The following PRIM2 variants were observed in gnomAD, a reference collection of about 807,000 sequenced individuals.
The protein encoded by PRIM2 is DNA primase large subunit.
In PRIM2, 39 loss-of-function variants were observed where a neutral mutation model predicts 67.3. That is an observed-to-expected ratio of 0.58 (90% CI 0.45 to 0.76). PRIM2 has a LOEUF of 0.76. Ranked by LOEUF, PRIM2 falls within the 30% of genes least tolerant of loss-of-function variation. The probability of loss-of-function intolerance (pLI) is 0.00; values close to 1 mark genes in which losing one functional copy is unlikely to be tolerated. For missense variants in PRIM2, 398 were observed against 598.7 expected (o/e 0.66, Z 3.50); for synonymous variants, 143 against 198.7 (o/e 0.72, Z 2.36).
At chr6:57,494,189 A>T (rs1157761803) in intron 7 of PRIM2, among the ~76,000 whole-genome samples, 1 of 152,222 alleles carries the variant, frequency 6.6e-6, no homozygotes, top group African/African-American at 2.4e-5. Flanking sequence ...ATAGTATGTC[A>T]CAGTGGTCTA....
chr6:57,314,788 A>G (rs1767449035), upstream of PRIM2: 1 of 152,248 alleles, frequency 6.6e-6, no homozygotes, highest in South Asian at 2.1e-4. Context: ...AAGTGAATAC[A>G]TGAAAGAGCT....
chr6:57,615,298 A>G (rs1480023684), intron 12 of PRIM2, among the ~76,000 whole-genome samples: 5 of 151,732 alleles, frequency 3.3e-5, no homozygotes, highest in Non-Finnish European at 5.9e-5. Context: ...ATGCACCTGT[A>G]GTGTCAGCTA....
chr6:57,633,835 G>A (rs1777074612), intron 13 of PRIM2, among the ~76,000 whole-genome samples: 1 of 152,186 alleles, frequency 6.6e-6, no homozygotes, highest in Admixed American at 6.5e-5. Flanking sequence ...ATGGGGAGTA[G>A]CTGTAAATAC....
At position 57,579,567 on chromosome 6, in the gene PRIM2, ATTTAG is replaced by A. The variant is rs1475539916; in HGVS notation, c.1021-21521_1021-21517del. On this transcript the variant is annotated intron_variant, in intron 10 of 13. Transcript: ENST00000615550. The stretch of plus-strand genomic sequence containing the variant: ...GTGAAAATAATTTAATCCTTCAGCA[ATTTAG>A]TTTAAGAGTTATTCTGGAGCTAATT... 2.3e-3 allele frequency among the ~76,000 whole-genome samples: 349 copies of A among 151,974 alleles called. 2 individuals are homozygous for A. Among genetic ancestry groups the A allele is most frequent in the African/African-American group, 7.7e-3 (317 of 41,342 alleles).
intron 12 of PRIM2, 131 bp downstream of exon 12, chr6:57,606,588 A>G: frequency 1.8e-6 from 1 of 568,388 alleles, no homozygotes; most frequent in Non-Finnish European, 3.2e-6. Flanking sequence ...TATCTTCAAG[A>G]TGAATTAAGT....
At chr6:57,368,222 G>C in intron 5 of PRIM2, among the ~76,000 whole-genome samples, 1 of 151,308 alleles carries the variant, frequency 6.6e-6, no homozygotes, top group Non-Finnish European at 1.5e-5. Context: ...TTAGAAAAGC[G>C]GATTCTTTTC....
At chr6:57,512,366 G>A (rs1161112209) in intron 8 of PRIM2, among the ~76,000 whole-genome samples, 1 of 152,114 alleles carries the variant, frequency 6.6e-6, no homozygotes, top group Non-Finnish European at 1.5e-5. Context: ...TGAGTAGTAT[G>A]GGAGTAAGAG....
intron 5 of PRIM2, among the ~76,000 whole-genome samples, chr6:57,349,768 C>A (rs1768802549): frequency 6.6e-6 from 1 of 151,954 alleles, no homozygotes; most frequent in Non-Finnish European, 1.5e-5. Context: ...TTCTACTTTT[C>A]TTTTTTAACA....
intron 7 of PRIM2, among the ~76,000 whole-genome samples, chr6:57,409,323 C>A: frequency 6.6e-6 from 1 of 152,014 alleles, no homozygotes. Flanking sequence ...CTACAGGTGC[C>A]CACCACCGCA....
intron 13 of PRIM2, among the ~76,000 whole-genome samples, chr6:57,640,278 T>C (rs1278569970): frequency 3.9e-5 from 6 of 152,130 alleles, no homozygotes; most frequent in Non-Finnish European, 5.9e-5. Context: ...ACAGCCAATA[T>C]CATACTGAAT....
At chr6:57,557,757 C>T (rs1183829432) in intron 10 of PRIM2, among the ~76,000 whole-genome samples, 2 of 151,902 alleles carry the variant, frequency 1.3e-5, no homozygotes, top group Non-Finnish European at 2.9e-5. Flanking sequence ...CACATATCCC[C>T]CAAACTTAAA....
At chr6:57,533,475 A>C (rs1397783688) in intron 9 of PRIM2, among the ~76,000 whole-genome samples, 12 of 152,230 alleles carry the variant, frequency 7.9e-5, no homozygotes, top group African/African-American at 2.7e-4. Context: ...AAATTATAAA[A>C]AAGTACTTGC....
chr6:57,241,897 C>A, the PRIM2 span, among the ~76,000 whole-genome samples: 1 of 152,038 alleles, frequency 6.6e-6, no homozygotes, highest in Non-Finnish European at 1.5e-5. Flanking sequence ...TGGTCTCGAT[C>A]TCCTGACCTC....
chr6:57,330,208 A>G (rs1201228939), intron 5 of PRIM2, among the ~76,000 whole-genome samples: 2 of 152,064 alleles, frequency 1.3e-5, no homozygotes, highest in African/African-American at 2.4e-5. Flanking sequence ...TTTTTGTTAC[A>G]TTTATACCTA....
At chr6:57,349,899 C>CA (rs35137848) in intron 5 of PRIM2, among the ~76,000 whole-genome samples, 9 of 151,772 alleles carry the variant, frequency 5.9e-5, no homozygotes, top group African/African-American at 1.7e-4. Context: ...TTTGTAAAAA[C>CA]AAAAAAAATC....
chr6:57,425,958 T>G (rs1433026385), intron 7 of PRIM2, among the ~76,000 whole-genome samples: 1 of 152,210 alleles, frequency 6.6e-6, no homozygotes, highest in Non-Finnish European at 1.5e-5. Context: ...AGAAGCATTA[T>G]CAATTTCTAT....
chr6:57,646,180 C>T lies in PRIM2; in HGVS notation c.*22C>T. 6.8e-7 allele frequency: 1 copy of T among 1,464,566 alleles called. No homozygotes were observed. The highest frequency in any genetic ancestry group is 9.5e-7 in the Non-Finnish European group (1 of 1,051,202). The allele number at this position is 1,464,566 out of a possible 1,614,324, so 90.7% of individuals were successfully genotyped here. On this transcript the variant is annotated 3_prime_UTR_variant, in exon 14 of 14. Coordinates refer to ENST00000615550, the MANE Select transcript of PRIM2 (RefSeq NM_000947.5). Reference sequence around the variant, plus strand: ...TTAGGCAGTTTTATAACCCTTTTTCCTCAATAGCCTGTTTCCTGTTTTTAA... The same window carrying T: ...TTAGGCAGTTTTATAACCCTTTTTCTTCAATAGCCTGTTTCCTGTTTTTAA...
intron 10 of PRIM2, among the ~76,000 whole-genome samples, chr6:57,564,906 A>G (rs1253670529): frequency 6.6e-6 from 1 of 152,280 alleles, no homozygotes; most frequent in Non-Finnish European, 1.5e-5. Flanking sequence ...GAAAGCAACC[A>G]TCAACAATGT....
At chr6:57,257,498 C>T in the PRIM2 span, among the ~76,000 whole-genome samples, 1 of 151,984 alleles carries the variant, frequency 6.6e-6, no homozygotes, top group South Asian at 2.1e-4. Flanking sequence ...CTTGAACTCC[C>T]GACCTCAGGT....
Sources: allele counts gnomAD v4.1 joint callset (sites outside exome capture counted in the v4.1 genomes callset), GRCh38; gene constraint gnomAD v4.1.1; transcripts MANE v1.5; gene names NCBI Gene and HGNC (gene_info 2026-07-23, HGNC 2026-07-21).